Variants in EEF2K observed in about 807,000 individuals in gnomAD.
The protein encoded by EEF2K is eukaryotic elongation factor 2 kinase.
EEF2K carries 70 observed loss-of-function variants against 93.8 expected under a neutral mutation model. The ratio of observed to expected loss-of-function variants is 0.75; its 90% CI spans 0.62 to 0.91. The LOEUF (loss-of-function observed/expected upper bound fraction) is 0.91, where lower values mean the gene tolerates loss of function less well. EEF2K is among the 40% of genes least tolerant of loss of function. EEF2K has a pLI of 0.00. For missense variants in EEF2K, 935 were observed against 972.9 expected, an observed-to-expected ratio of 0.96 and a Z score of 0.52; for synonymous variants, 376 against 380.8, an observed-to-expected ratio of 0.99 and a Z score of 0.15.
At chr16:22,250,010 GACCTCAGGTGATCCACCC>G (rs1161560788) in intron 4 of EEF2K, among the ~76,000 whole-genome samples, 2 of 151,960 alleles carry the variant, frequency 1.3e-5, no homozygotes, top group African/African-American at 2.4e-5. Context: ...TCGAACTCCC[GACCTCAGGTGATCCACCC>G]ACCTCAGCCT....
At chr16:22,218,074 AG>A (rs1316560798) in intron 1 of EEF2K, among the ~76,000 whole-genome samples, 1 of 152,222 alleles carries the variant, frequency 6.6e-6, no homozygotes, top group East Asian at 1.9e-4. Flanking sequence ...AAAAAGCCCC[AG>A]GTTTGCTGCA....
At chr16:22,265,749 G>C (rs1353336821) in intron 13 of EEF2K, among the ~76,000 whole-genome samples, 3 of 152,242 alleles carry the variant, frequency 2.0e-5, no homozygotes, top group Non-Finnish European at 4.4e-5. Flanking sequence ...TCCTGCAAGA[G>C]CCTTTGGAGG....
intron 13 of EEF2K, among the ~76,000 whole-genome samples, chr16:22,266,067 G>T (rs2083164760): frequency 6.6e-6 from 1 of 152,016 alleles, no homozygotes; most frequent in African/African-American, 2.4e-5. Context: ...TAAAATTGGA[G>T]CTGTATTAGC....
intron 3 of EEF2K, among the ~76,000 whole-genome samples, chr16:22,246,901 G>A (rs1005984510): frequency 2.0e-5 from 3 of 151,608 alleles, no homozygotes; most frequent in African/African-American, 7.3e-5. Flanking sequence ...AGTTGGGCAC[G>A]GTGGCATGCG....
At position 22,284,102 on chromosome 16, in the gene EEF2K, G is replaced by A. The variant is rs2047728348; in HGVS notation, c.*106G>A. 3.9e-6 allele frequency: 4 copies of A among 1,029,410 alleles called. No homozygotes were observed. In the South Asian group the frequency reaches 6.2e-5, roughly 16 times the overall value. 63.8% of individuals were successfully genotyped at this position (1,029,410 alleles called of 1,614,324 possible). A position where few individuals can be genotyped will look rare whatever the true frequency, so the allele number is the denominator to read the frequency against. On this transcript the variant is annotated 3_prime_UTR_variant, in exon 18 of 18. Transcript: ENST00000263026. ...GTTTGGGGAGGGGAAGCATTTTTAA[G>A]TGTGTTGTAAAATCAAATTTTATAT...
intron 13 of EEF2K, chr16:22,265,110 G>A (rs922885305): frequency 6.1e-6 from 3 of 489,908 alleles, no homozygotes; most frequent in Non-Finnish European, 7.4e-6. Context: ...GCCCCATCCT[G>A]GAGGGGAAAT....
chr16:22,266,349 C>A, intron 13 of EEF2K, 41 bp from the exon 14 acceptor site: 1 of 1,589,466 alleles, frequency 6.3e-7, no homozygotes, highest in Non-Finnish European at 8.6e-7. Flanking sequence ...GCTGCGTCCA[C>A]CCCCAGCCCC....
chr16:22,214,231 C>T (rs560715246), intron 1 of EEF2K, among the ~76,000 whole-genome samples: 11 of 152,236 alleles, frequency 7.2e-5, no homozygotes, highest in African/African-American at 2.4e-4. Context: ...CCCCTGTTTA[C>T]AGAGGAGGGA....
intron 2 of EEF2K, among the ~76,000 whole-genome samples, chr16:22,244,080 G>A (rs1274319390): frequency 6.6e-6 from 1 of 151,814 alleles, no homozygotes; most frequent in Non-Finnish European, 1.5e-5. Flanking sequence ...AATGCAAAAA[G>A]TAGCAGTGCG....
At chr16:22,218,742 T>G (rs935389877) in intron 1 of EEF2K, among the ~76,000 whole-genome samples, 5 of 151,956 alleles carry the variant, frequency 3.3e-5, no homozygotes, top group Non-Finnish European at 5.9e-5. Context: ...CCACTGAGGC[T>G]CAAGAGGTGA....
chr16:22,219,756 G>A (rs946392418), intron 1 of EEF2K, among the ~76,000 whole-genome samples: 1 of 152,194 alleles, frequency 6.6e-6, no homozygotes, highest in African/African-American at 2.4e-5. Flanking sequence ...TACAAGTTTA[G>A]CTATCAGAGT....
Position 22,284,563 on chromosome 16 carries a change from G to A in EEF2K, c.*567G>A, listed in dbSNP as rs1161369575. On this transcript the variant is annotated 3_prime_UTR_variant, in exon 18 of 18. Coordinates refer to ENST00000263026, the MANE Select transcript of EEF2K (RefSeq NM_013302.5). ...CCCAAAGTGCTGGGATTACAGGTGT[G>A]AGCCACCATGCCTGCCCATTTTGTG... 1.3e-5 allele frequency: 2 copies of A among 152,032 alleles called. No individual in the cohort carries two copies. The highest frequency in any genetic ancestry group is 4.8e-5 in the African/African-American group (2 of 41,344). 9.4% of individuals were successfully genotyped at this position (152,032 alleles called of 1,614,324 possible). A position where few individuals can be genotyped will look rare whatever the true frequency, so the allele number is the denominator to read the frequency against.
At chr16:22,241,003 T>C (rs55783043) in intron 2 of EEF2K, among the ~76,000 whole-genome samples, 1 of 151,778 alleles carries the variant, frequency 6.6e-6, no homozygotes, top group Non-Finnish European at 1.5e-5. Flanking sequence ...CTCCTGACCT[T>C]GTGATCTGCC....
chr16:22,229,364 A>G (rs998011118), intron 2 of EEF2K, among the ~76,000 whole-genome samples: 7 of 152,176 alleles, frequency 4.6e-5, no homozygotes, highest in African/African-American at 1.7e-4. Flanking sequence ...GACTGAGGAA[A>G]AGTGTACTTA....
rs1215339600 is a variant in EEF2K, at chr16:22,253,600, C to T, written c.618+2278C>T. Among the ~76,000 whole-genome samples, 3 of 152,186 alleles carry T rather than the reference C, an allele frequency of 2.0e-5. No individual in the cohort carries two copies. The East Asian group carries it at 5.8e-4, about 29-fold the overall frequency. ...ATCCTGTGTCACCTCCTCAGCCAGCCCATCTCAGACAACCCTAAGAAGTGG... is the reference window on the plus strand; with the variant it reads ...ATCCTGTGTCACCTCCTCAGCCAGCTCATCTCAGACAACCCTAAGAAGTGG... On this transcript the variant is annotated intron_variant, in intron 6 of 17. Transcript: ENST00000263026.
chr16:22,207,149 G>A (rs1467532072), intron 1 of EEF2K, among the ~76,000 whole-genome samples: 1 of 152,218 alleles, frequency 6.6e-6, no homozygotes, highest in Admixed American at 6.5e-5. Context: ...GGCTGCGGGA[G>A]TTTGTTGGCA....
chr16:22,264,829 C>T lies in EEF2K; in HGVS notation c.1389C>T (p.Tyr463=), dbSNP rs527814832. Residue 463 remains tyrosine (Y), a synonymous_variant, in exon 13 of 18, where the codon TAC becomes TAT. Transcript: ENST00000263026. The part of the protein sequence containing the change: ...DPEPREHGHS[Y]SNRKYESDED... ...CTTCCTCCGTTCAGGGCCACTCATACAGTAATCGGAAGTACGAGTCTGACG... is the reference window on the plus strand; with the variant it reads ...CTTCCTCCGTTCAGGGCCACTCATATAGTAATCGGAAGTACGAGTCTGACG... 3.1e-6 allele frequency: 5 copies of T among 1,613,986 alleles called. No individual in the cohort carries two copies. Among genetic ancestry groups the T allele is most frequent in the East Asian group, 2.2e-5 (1 of 44,874 alleles).
In EEF2K at chr16:22,284,274, T is replaced by G. The variant is rs751386838; in HGVS notation, c.*278T>G. 39 of 372,678 alleles carry G rather than the reference T, an allele frequency of 1.0e-4. No individual in the cohort carries two copies. The highest frequency in any genetic ancestry group is 8.1e-4 in the Middle Eastern group (1 of 1,242). 23.1% of individuals were successfully genotyped at this position (372,678 alleles called of 1,614,324 possible). On this transcript the variant is annotated 3_prime_UTR_variant, in exon 18 of 18. Transcript: ENST00000263026. Reference sequence around the variant, plus strand: ...AACATACCGTTTTGTGTGTGGTTTTTTTTGTTTGTTTGTTTGTTTGTTTTG... The same window carrying G: ...AACATACCGTTTTGTGTGTGGTTTTGTTTGTTTGTTTGTTTGTTTGTTTTG...
intron 2 of EEF2K, among the ~76,000 whole-genome samples, chr16:22,239,316 T>C (rs1420975911): frequency 6.6e-6 from 1 of 152,142 alleles, no homozygotes; most frequent in Non-Finnish European, 1.5e-5. Flanking sequence ...GTTAGTGGCT[T>C]ACGGAGTGGC....
Sources: allele counts gnomAD v4.1 joint callset (sites outside exome capture counted in the v4.1 genomes callset), GRCh38; gene constraint gnomAD v4.1.1; transcripts MANE v1.5; gene names NCBI Gene and HGNC (gene_info 2026-07-23, HGNC 2026-07-21).